Variants in FOXN3 observed in about 807,000 individuals in gnomAD.
FOXN3 encodes the protein forkhead box N3, also known as forkhead box protein N3.
Under a neutral mutation model 38.4 loss-of-function variants are expected in FOXN3, and 7 were observed. That is an observed-to-expected ratio of 0.18 (90% CI 0.10 to 0.34). The LOEUF (loss-of-function observed/expected upper bound fraction) is 0.34, where lower values mean the gene tolerates loss of function less well. FOXN3 is among the 10% of genes least tolerant of loss of function. The pLI is 1.00. For synonymous variants in FOXN3, 230 were observed against 242.2 expected, an observed-to-expected ratio of 0.95 and a Z score of 0.47; for missense variants, 456 against 613.4, an observed-to-expected ratio of 0.74 and a Z score of 2.71.
chr14:89,555,838 GGTGTGTGTGT>G lies in FOXN3; in HGVS notation c.-15+63180_-15+63189del, dbSNP rs201016882. 4.2e-3 allele frequency among the ~76,000 whole-genome samples: 377 copies of G among 89,700 alleles called. 8 individuals are homozygous for G. Among genetic ancestry groups the G allele is most frequent in the African/African-American group, 0.01 (344 of 33,242 alleles). The allele number at this position is 89,700 out of a possible 152,430, so 58.8% of individuals were successfully genotyped here. ...TCATAAAGCTTACCTTCTAGTTCAT[GGTGTGTGTGT>G]GTGTGTGTGTGTGTGTGTGTGTGTG... On this transcript the variant is annotated intron_variant, in intron 1 of 6. Transcript: ENST00000345097.
At chr14:89,576,331 T>C (rs147628396) in intron 1 of FOXN3, 4 of 152,302 alleles carry the variant, frequency 2.6e-5, no homozygotes, top group Non-Finnish European at 4.4e-5. Context: ...TTTCTCCTTT[T>C]AGGCTAGGAA....
At chr14:89,402,914 G>T (rs758951991) in intron 2 of FOXN3, among the ~76,000 whole-genome samples, 1 of 152,148 alleles carries the variant, frequency 6.6e-6, no homozygotes, top group Non-Finnish European at 1.5e-5. Flanking sequence ...ATCCTTGGAG[G>T]TCTAATGCTC....
intron 3 of FOXN3, among the ~76,000 whole-genome samples, chr14:89,325,286 A>C (rs796970160): frequency 4.2e-4 from 31 of 74,340 alleles, no homozygotes; most frequent in Non-Finnish European, 5.1e-4. Context: ...ACCAACACCA[A>C]CACCACCAAC....
chr14:89,311,495 G>T (rs144162596), intron 3 of FOXN3, among the ~76,000 whole-genome samples: 2,877 of 131,834 alleles, frequency 0.022, 52 homozygotes, highest in Middle Eastern at 0.062. Context: ...AAAAAAAAAG[G>T]TGTATGGCAA....
intron 2 of FOXN3, among the ~76,000 whole-genome samples, chr14:89,406,003 T>G (rs1424938384): frequency 1.3e-5 from 2 of 152,108 alleles, no homozygotes; most frequent in Non-Finnish European, 2.9e-5. Context: ...CCACCTTTAC[T>G]AAAAATATAT....
chr14:89,319,030 C>T (rs1188567726), intron 3 of FOXN3, among the ~76,000 whole-genome samples: 1 of 152,120 alleles, frequency 6.6e-6, no homozygotes, highest in African/African-American at 2.4e-5. Flanking sequence ...GGGCCTGGGC[C>T]CAAGAGGACA....
At chr14:89,295,555 A>G (rs1037030485) in intron 3 of FOXN3, among the ~76,000 whole-genome samples, 4 of 152,106 alleles carry the variant, frequency 2.6e-5, no homozygotes, top group African/African-American at 9.7e-5. Context: ...CCTCCTACAC[A>G]GAATTATCTC....
At chr14:89,410,160 C>G (rs1275796334) in intron 2 of FOXN3, among the ~76,000 whole-genome samples, 1 of 151,886 alleles carries the variant, frequency 6.6e-6, no homozygotes, top group African/African-American at 2.4e-5. Context: ...CAAACACGTC[C>G]AATTTGAGCA....
At chr14:89,517,426 C>T (rs982737063) in intron 1 of FOXN3, among the ~76,000 whole-genome samples, 20 of 151,278 alleles carry the variant, frequency 1.3e-4, no homozygotes, top group African/African-American at 4.9e-4. Context: ...AGCACGATGG[C>T]TTCTGAGAAG....
chr14:89,575,731 G>A (rs758345385), intron 1 of FOXN3, among the ~76,000 whole-genome samples: 4 of 152,154 alleles, frequency 2.6e-5, no homozygotes, highest in Non-Finnish European at 5.9e-5. Flanking sequence ...GGATACCGAT[G>A]GTCTCTAACA....
chr14:89,190,933 T>C (rs1203393675), intron 4 of FOXN3, among the ~76,000 whole-genome samples: 7 of 152,220 alleles, frequency 4.6e-5, no homozygotes, highest in African/African-American at 1.7e-4. Flanking sequence ...ATGTAAATTG[T>C]GTTTCACGAG....
chr14:89,165,013 C>G (rs1887203809), intron 5 of FOXN3, among the ~76,000 whole-genome samples: 1 of 152,124 alleles, frequency 6.6e-6, no homozygotes, highest in Non-Finnish European at 1.5e-5. Context: ...TGTCCACCAG[C>G]AAAATGTATG....
chr14:89,366,293 A>T (rs763003708), intron 2 of FOXN3, among the ~76,000 whole-genome samples: 4 of 152,090 alleles, frequency 2.6e-5, no homozygotes, highest in South Asian at 2.1e-4. Flanking sequence ...AGAAAAAAAC[A>T]TGCACATTTG....
At chr14:89,549,491 T>C (rs1026397527) in intron 1 of FOXN3, among the ~76,000 whole-genome samples, 1 of 151,998 alleles carries the variant, frequency 6.6e-6, no homozygotes, top group Non-Finnish European at 1.5e-5. Context: ...GAGCCCTCTC[T>C]GGCCCCAGGC....
At chr14:89,482,243 T>C (rs1170866600) in intron 1 of FOXN3, among the ~76,000 whole-genome samples, 4 of 152,188 alleles carry the variant, frequency 2.6e-5, no homozygotes, top group Admixed American at 2.6e-4. Context: ...AGCTCCTCCA[T>C]ACTTCCCGGC....
intron 1 of FOXN3, among the ~76,000 whole-genome samples, chr14:89,566,882 C>T (rs1384041103): frequency 2.0e-5 from 3 of 151,674 alleles, no homozygotes; most frequent in Non-Finnish European, 4.4e-5. Flanking sequence ...CTCTTCCTTA[C>T]CCTCCTTCCC....
chr14:89,602,078 C>A (rs1228854490), intron 1 of FOXN3, among the ~76,000 whole-genome samples: 1 of 151,986 alleles, frequency 6.6e-6, no homozygotes, highest in Admixed American at 6.5e-5. Flanking sequence ...AACTTTCAAA[C>A]CTAAAGAAAA....
At chr14:89,227,272 T>C (rs1270711423) in intron 4 of FOXN3, among the ~76,000 whole-genome samples, 1 of 152,144 alleles carries the variant, frequency 6.6e-6, no homozygotes, top group African/African-American at 2.4e-5. Flanking sequence ...AATCAGGATT[T>C]TTCTATGTCT....
At chr14:89,441,755 G>C (rs1329348466) in intron 1 of FOXN3, among the ~76,000 whole-genome samples, 2 of 152,080 alleles carry the variant, frequency 1.3e-5, no homozygotes, top group Admixed American at 6.5e-5. Context: ...AAGGAGGGAG[G>C]GGGGTGGAAG....
Sources: gnomAD v4.1 joint callset for allele counts (sites outside exome capture counted in the v4.1 genomes callset) on GRCh38, gnomAD v4.1.1 for gene constraint, MANE v1.5 for transcripts, NCBI Gene and HGNC (gene_info 2026-07-23, HGNC 2026-07-21) for gene names.